Variants in GRIN2B observed in about 807,000 individuals in gnomAD.
GRIN2B encodes the protein glutamate receptor ionotropic, NMDA 2B.
GRIN2B carries 5 observed loss-of-function variants against 114.5 expected under a neutral mutation model. That is an observed-to-expected ratio of 0.04 (90% CI 0.02 to 0.09). The LOEUF is 0.09. Among genes scored for constraint, GRIN2B ranks in the 10% least tolerant of loss-of-function variants. GRIN2B has a pLI of 1.00. For synonymous variants in GRIN2B, 787 were observed against 745.1 expected, an observed-to-expected ratio of 1.06 and a Z score of -0.92; for missense variants, 1,108 against 1,943.5, an observed-to-expected ratio of 0.57 and a Z score of 8.08.
intron 3 of GRIN2B, among the ~76,000 whole-genome samples, chr12:13,830,438 C>T (rs556028563): frequency 2.1e-4 from 32 of 152,232 alleles, no homozygotes; most frequent in African/African-American, 7.5e-4. Context: ...TCTTTCATTT[C>T]TTAATGAACA....
intron 10 of GRIN2B, among the ~76,000 whole-genome samples, chr12:13,578,614 A>G (rs868172909): frequency 1.7e-4 from 26 of 152,310 alleles, no homozygotes; most frequent in Middle Eastern, 3.4e-3. Flanking sequence ...CTACCCAAAT[A>G]TCTGACCCAC....
intron 2 of GRIN2B, among the ~76,000 whole-genome samples, chr12:13,895,028 G>A (rs894423060): frequency 6.6e-6 from 1 of 152,162 alleles, no homozygotes; most frequent in African/African-American, 2.4e-5. Flanking sequence ...CCTCATTTGT[G>A]TGTATATAAA....
intron 3 of GRIN2B, among the ~76,000 whole-genome samples, chr12:13,838,049 T>A (rs1432762024): frequency 6.6e-6 from 1 of 152,180 alleles, no homozygotes; most frequent in Non-Finnish European, 1.5e-5. Context: ...CCAAGGGATG[T>A]AAAGACTTAG....
intron 10 of GRIN2B, among the ~76,000 whole-genome samples, chr12:13,606,218 A>C (rs1004153206): frequency 5.0e-5 from 7 of 139,160 alleles, no homozygotes; most frequent in African/African-American, 1.8e-4. Flanking sequence ...GTAATTTATA[A>C]AGAAAAAGAA....
chr12:13,595,853 T>C (rs570667855), intron 10 of GRIN2B, among the ~76,000 whole-genome samples: 1 of 152,176 alleles, frequency 6.6e-6, no homozygotes, highest in African/African-American at 2.4e-5. Context: ...ATTAATTTGG[T>C]GTGCTTTTAA....
At chr12:13,757,205 G>A (rs914520493) in intron 3 of GRIN2B, among the ~76,000 whole-genome samples, 7 of 152,166 alleles carry the variant, frequency 4.6e-5, no homozygotes, top group Non-Finnish European at 8.8e-5. Context: ...CAGAAGTCAA[G>A]AAACAGAATA....
intron 3 of GRIN2B, among the ~76,000 whole-genome samples, chr12:13,781,691 T>C (rs1031273038): frequency 3.9e-5 from 6 of 152,182 alleles, no homozygotes; most frequent in African/African-American, 1.4e-4. Context: ...GAGTAGAATA[T>C]GACCCTAAAA....
chr12:13,621,004 G>A (rs1403680906), intron 5 of GRIN2B, among the ~76,000 whole-genome samples: 1 of 151,708 alleles, frequency 6.6e-6, no homozygotes, highest in East Asian at 1.9e-4. Flanking sequence ...CAGGGTTCAT[G>A]TTAAAGAACA....
chr12:13,576,081 C>A (rs1020868552), intron 10 of GRIN2B, among the ~76,000 whole-genome samples: 3 of 152,142 alleles, frequency 2.0e-5, no homozygotes, highest in Admixed American at 6.5e-5. Flanking sequence ...TCAGAATTAG[C>A]CAAAGCAGTG....
At chr12:13,608,426 G>A (rs1247383353) in intron 10 of GRIN2B, among the ~76,000 whole-genome samples, 177 bp downstream of exon 10, 1 of 152,154 alleles carries the variant, frequency 6.6e-6, no homozygotes, top group Non-Finnish European at 1.5e-5. Context: ...AGGCCAACAT[G>A]AAGTCATATT....
chr12:13,635,759 C>T (rs1482361256), intron 5 of GRIN2B, among the ~76,000 whole-genome samples: 1 of 151,924 alleles, frequency 6.6e-6, no homozygotes, highest in African/African-American at 2.4e-5. Context: ...GTTTCCTCTA[C>T]ATTATGCTGA....
chr12:13,868,649 T>A (rs1471204440), intron 2 of GRIN2B, among the ~76,000 whole-genome samples: 1 of 152,234 alleles, frequency 6.6e-6, no homozygotes, highest in African/African-American at 2.4e-5. Flanking sequence ...TTAACTTTAA[T>A]GCACTCCACT....
chr12:13,835,514 G>GA (rs936301141), intron 3 of GRIN2B, among the ~76,000 whole-genome samples: 5 of 151,222 alleles, frequency 3.3e-5, no homozygotes, highest in South Asian at 2.1e-4. Context: ...GCCCAGCCCA[G>GA]AAAAAAAACA....
intron 3 of GRIN2B, among the ~76,000 whole-genome samples, chr12:13,840,140 C>T (rs554361621): frequency 5.8e-4 from 89 of 152,224 alleles, no homozygotes; most frequent in African/African-American, 2.0e-3. Context: ...CAGTGCGTAA[C>T]GTACTGCTCT....
chr12:13,953,194 C>G (rs1867524002), intron 2 of GRIN2B, among the ~76,000 whole-genome samples: 1 of 152,042 alleles, frequency 6.6e-6, no homozygotes, highest in South Asian at 2.1e-4. Context: ...CAGGGATGTC[C>G]AAAGGACAAA....
At chr12:13,598,782 G>GGGTT (rs1260950280) in intron 10 of GRIN2B, among the ~76,000 whole-genome samples, 1 of 152,060 alleles carries the variant, frequency 6.6e-6, no homozygotes, top group Admixed American at 6.5e-5. Flanking sequence ...TGGTTTGAAA[G>GGGTT]GGTTCTCCAG....
At chr12:13,591,134 T>C (rs1376000369) in intron 10 of GRIN2B, among the ~76,000 whole-genome samples, 1 of 152,144 alleles carries the variant, frequency 6.6e-6, no homozygotes. Flanking sequence ...CCACATCTTT[T>C]TTAGCCCTGA....
chr12:13,882,848 T>TA (rs1393161696), intron 2 of GRIN2B, among the ~76,000 whole-genome samples: 2 of 152,344 alleles, frequency 1.3e-5, no homozygotes, highest in African/African-American at 4.8e-5. Flanking sequence ...ATACAGTATA[T>TA]AACCACCACC....
intron 3 of GRIN2B, among the ~76,000 whole-genome samples, chr12:13,769,930 G>A (rs925887108): frequency 3.9e-5 from 6 of 152,216 alleles, no homozygotes; most frequent in Non-Finnish European, 7.3e-5. Context: ...GCAATATCAA[G>A]CAGATGTTAA....
Sources: allele counts gnomAD v4.1 joint callset (sites outside exome capture counted in the v4.1 genomes callset), GRCh38; gene constraint gnomAD v4.1.1; transcripts MANE v1.5; gene names NCBI Gene and HGNC (gene_info 2026-07-23, HGNC 2026-07-21).